Variants in SLC23A2 observed in about 807,000 individuals in gnomAD.
SLC23A2 encodes solute carrier family 23 member 2.
SLC23A2 carries 36 observed loss-of-function variants against 73.3 expected under a neutral mutation model. The ratio of observed to expected loss-of-function variants is 0.49; its 90% CI spans 0.38 to 0.65. The LOEUF (loss-of-function observed/expected upper bound fraction) is 0.65. Ranked by LOEUF, SLC23A2 falls within the 30% of genes least tolerant of loss-of-function variation. The probability of loss-of-function intolerance (pLI) is 0.00; values close to 1 mark genes in which losing one functional copy is unlikely to be tolerated. For synonymous variants in SLC23A2, 343 were observed against 327.3 expected (o/e 1.05, Z -0.52); for missense variants, 507 against 841.6 (o/e 0.60, Z 4.92).
At chr20:4,991,758 AC>A (rs2087928519) in intron 1 of SLC23A2, among the ~76,000 whole-genome samples, 3 of 151,102 alleles carry the variant, frequency 2.0e-5, no homozygotes, top group African/African-American at 7.3e-5. Flanking sequence ...ACACACACAC[AC>A]ACACAAAAGT....
intron 1 of SLC23A2, among the ~76,000 whole-genome samples, chr20:4,989,224 G>A (rs1175316995): frequency 1.4e-4 from 19 of 140,220 alleles, no homozygotes; most frequent in Non-Finnish European, 4.6e-5. Flanking sequence ...GTGACAGAGC[G>A]AGACCCCGTC....
chr20:4,978,050 TA>T (rs2087671460), intron 1 of SLC23A2, among the ~76,000 whole-genome samples: 1 of 151,932 alleles, frequency 6.6e-6, no homozygotes, highest in Non-Finnish European at 1.5e-5. Context: ...ACAAAAAAAT[TA>T]AAGACACCTT....
intron 1 of SLC23A2, among the ~76,000 whole-genome samples, chr20:4,991,125 G>A (rs1302103896): frequency 6.6e-6 from 1 of 152,012 alleles, no homozygotes; most frequent in African/African-American, 2.4e-5. Flanking sequence ...CTTTGTTTTT[G>A]AGCAGGGTGT....
At position 4,872,987 on chromosome 20, in the gene SLC23A2, C is replaced by T. The variant is rs1030806769; in HGVS notation, c.1102+949G>A. 1.3e-5 allele frequency among the ~76,000 whole-genome samples: 2 copies of T among 152,168 alleles called. No homozygotes were observed. Among genetic ancestry groups the T allele is most frequent in the African/African-American group, 2.4e-5 (1 of 41,426 alleles). Reference sequence around the variant, plus strand: ...CAGGCTGGTCTTGAACTCCTGACCTCGGGTGATCCTCCTGCCTCGGCCTCC... The same window carrying T: ...CAGGCTGGTCTTGAACTCCTGACCTTGGGTGATCCTCCTGCCTCGGCCTCC... On this transcript the variant is annotated intron_variant, in intron 11 of 16. Transcript: ENST00000338244. The surrounding 1 kb of genome is among the most constrained non-coding windows in gnomAD (Gnocchi z 4.4).
At chr20:4,897,292 C>T (rs1931573038) in intron 6 of SLC23A2, among the ~76,000 whole-genome samples, 1 of 152,234 alleles carries the variant, frequency 6.6e-6, no homozygotes, top group African/African-American at 2.4e-5. Flanking sequence ...ACCTGCCCAG[C>T]AGCACACAGT....
In SLC23A2 at chr20:4,862,992, T is replaced by G; in HGVS notation, c.1357-85A>C. Reference sequence around the variant, plus strand: ...GTTACTAAAGAACACACAGCAGAGATACCCATGGCCTGGCTCGCTACCTTC... The same window carrying G: ...GTTACTAAAGAACACACAGCAGAGAGACCCATGGCCTGGCTCGCTACCTTC... On this transcript the variant is annotated intron_variant, in intron 13 of 16. Transcript: ENST00000338244. This position sits in a 1 kb window ranked among gnomAD's most constrained non-coding sequence, Gnocchi z 5.1. The G allele has an allele frequency of 7.1e-7, 1 of 1,403,036 alleles. No homozygotes were observed. Among genetic ancestry groups the G allele is most frequent in the Non-Finnish European group, 9.8e-7 (1 of 1,020,490 alleles). The allele number at this position is 1,403,036 out of a possible 1,614,324, so 86.9% of individuals were successfully genotyped here. A position where few individuals can be genotyped will look rare whatever the true frequency, so the allele number is the denominator to read the frequency against.
At chr20:4,982,376 T>C (rs1309108863) in intron 1 of SLC23A2, among the ~76,000 whole-genome samples, 4 of 152,242 alleles carry the variant, frequency 2.6e-5, no homozygotes, top group African/African-American at 9.6e-5. Context: ...CTGCTCCTTA[T>C]GCAGATAAAC....
chr20:4,952,818 T>C (rs532405592), intron 2 of SLC23A2, among the ~76,000 whole-genome samples: 1 of 115,736 alleles, frequency 8.6e-6, no homozygotes, highest in East Asian at 2.5e-4. Flanking sequence ...AGGTCAGGAG[T>C]TCAAGACCAG....
chr20:4,871,927 G>C (rs1198117404), intron 11 of SLC23A2, among the ~76,000 whole-genome samples: 2 of 152,092 alleles, frequency 1.3e-5, no homozygotes, highest in Admixed American at 6.5e-5. Context: ...TTCAAGTTTA[G>C]TGTCTTGATT....
intron 6 of SLC23A2, among the ~76,000 whole-genome samples, chr20:4,888,295 C>G (rs1313665106): frequency 6.6e-6 from 1 of 152,230 alleles, no homozygotes; most frequent in Non-Finnish European, 1.5e-5. Flanking sequence ...TTCACGCTAT[C>G]ACGGTGGAGC....
intron 3 of SLC23A2, among the ~76,000 whole-genome samples, chr20:4,919,688 C>T (rs935703615): frequency 6.6e-5 from 10 of 152,196 alleles, no homozygotes. Context: ...TAAGAGATGT[C>T]CCTGGGGATC....
chr20:4,887,399 T>C (rs1253367143), intron 6 of SLC23A2, among the ~76,000 whole-genome samples: 1 of 152,250 alleles, frequency 6.6e-6, no homozygotes, highest in African/African-American at 2.4e-5. Context: ...GGTTTCAGAC[T>C]TCAACCAGTG....
chr20:4,926,510 C>CTTTTTTTTTTTTTTTTTTTTTTCT (rs3055953), intron 3 of SLC23A2, among the ~76,000 whole-genome samples: 1 of 105,050 alleles, frequency 9.5e-6, no homozygotes, highest in African/African-American at 3.6e-5. Context: ...ATTTTTTTTG[C>CTTTTTTTTTTTTTTTTTTTTTTCT]TTTTTTTTTT....
In SLC23A2 at chr20:4,874,180, A is replaced by AC. The variant is rs1260168341; in HGVS notation, c.946-89dup. 4 of 1,267,254 alleles carry AC rather than the reference A, an allele frequency of 3.2e-6. No homozygotes were observed. The African/African-American group carries it at 6.1e-5, about 19-fold the overall frequency. 78.5% of individuals were successfully genotyped at this position (1,267,254 alleles called of 1,614,324 possible). A position where few individuals can be genotyped will look rare whatever the true frequency, so the allele number is the denominator to read the frequency against. On this transcript the variant is annotated intron_variant, in intron 10 of 16. Coordinates refer to ENST00000338244, the MANE Select transcript of SLC23A2 (RefSeq NM_005116.6). The stretch of plus-strand genomic sequence containing the variant: ...CGTCTTCCCGCGGTCGGAATATCAC[A>AC]CCCCAGAGCCCACCACAGTCAGTAC...
chr20:4,873,997 A>T lies in SLC23A2; in HGVS notation c.1041T>A (p.Ala347=), dbSNP rs752536053. Residue 347 remains alanine, a synonymous_variant, in exon 11 of 17, where the codon GCT becomes GCA. Coordinates refer to ENST00000338244, the MANE Select transcript of SLC23A2 (RefSeq NM_005116.6). The part of the protein sequence containing the change: ...PPDSTKYGFY[A]RTDARQGVLL... ...GCACGCCTTGCCTGGCATCTGTGCG[A>T]GCATAGAAGCCATACTTTGTGCTGT... is the stretch of plus-strand genomic sequence containing the variant. 2 of 1,614,028 alleles carry T rather than the reference A, an allele frequency of 1.2e-6. No individual in the cohort carries two copies. The highest frequency in any genetic ancestry group is 4.5e-5 in the East Asian group (2 of 44,892).
chr20:4,973,160 C>A (rs1475796706), intron 1 of SLC23A2, among the ~76,000 whole-genome samples: 1 of 152,132 alleles, frequency 6.6e-6, no homozygotes, highest in Non-Finnish European at 1.5e-5. Context: ...GGCAAGGATA[C>A]AGATCAAACT....
In SLC23A2 at chr20:4,978,867, C is replaced by T. The variant is rs372927033; in HGVS notation, c.-281-7948G>A. 1.2e-4 allele frequency among the ~76,000 whole-genome samples: 18 copies of T among 152,232 alleles called. No individual in the cohort carries two copies. The East Asian group carries it at 2.3e-3, about 20-fold the overall frequency. On this transcript the variant is annotated intron_variant, in intron 1 of 16. Coordinates refer to ENST00000338244, the MANE Select transcript of SLC23A2 (RefSeq NM_005116.6). Reference sequence around the variant, plus strand: ...TGTTTCCAGAGAGCTGGAATACAAACGGATGCCGATTTTTAAACAAGAACC... The same window carrying T: ...TGTTTCCAGAGAGCTGGAATACAAATGGATGCCGATTTTTAAACAAGAACC...
intron 1 of SLC23A2, among the ~76,000 whole-genome samples, chr20:5,009,487 G>A (rs550758589): frequency 3.9e-5 from 6 of 152,270 alleles, no homozygotes; most frequent in Middle Eastern, 3.4e-3. Flanking sequence ...GAAATAAGTT[G>A]TTTTTCTGTT....
intron 6 of SLC23A2, among the ~76,000 whole-genome samples, chr20:4,897,029 G>C (rs1931554692): frequency 6.6e-6 from 1 of 152,192 alleles, no homozygotes; most frequent in Admixed American, 6.5e-5. Context: ...CAAGTCCCCT[G>C]GAGGATGCAC....
Sources: allele counts gnomAD v4.1 joint callset (sites outside exome capture counted in the v4.1 genomes callset), GRCh38; gene constraint gnomAD v4.1.1; non-coding constraint Gnocchi (gnomAD v3.1); transcripts MANE v1.5; gene names NCBI Gene and HGNC (gene_info 2026-07-23, HGNC 2026-07-21).